The following CCDC85A variants were observed in gnomAD, a reference collection of about 807,000 sequenced individuals.
The protein encoded by CCDC85A is coiled-coil domain-containing protein 85A.
CCDC85A carries 38 observed loss-of-function variants against 50.2 expected under a neutral mutation model. The ratio of observed to expected loss-of-function variants is 0.76; its 90% confidence interval spans 0.58 to 0.99. CCDC85A has a LOEUF of 0.99. CCDC85A is among the 50% of genes least tolerant of loss of function. CCDC85A has a pLI of 0.00. For synonymous variants in CCDC85A, 366 were observed against 301.4 expected (o/e 1.21, Z -2.22); for missense variants, 820 against 742.0 (o/e 1.11, Z -1.22).
At chr2:56,257,860 CA>C (rs1249615109) in intron 2 of CCDC85A, among the ~76,000 whole-genome samples, 3 of 152,102 alleles carry the variant, frequency 2.0e-5, no homozygotes, top group Non-Finnish European at 4.4e-5. Context: ...TTGTAGATGC[CA>C]AATCTTTGAA....
At chr2:56,277,949 G>C (rs1341676352) in intron 2 of CCDC85A, among the ~76,000 whole-genome samples, 1 of 152,192 alleles carries the variant, frequency 6.6e-6, no homozygotes, top group Non-Finnish European at 1.5e-5. Context: ...GAAAGCAACA[G>C]AGGCCACAGG....
At chr2:56,355,062 T>C (rs1441274413) in intron 3 of CCDC85A, among the ~76,000 whole-genome samples, 1 of 152,134 alleles carries the variant, frequency 6.6e-6, no homozygotes, top group East Asian at 1.9e-4. Context: ...TCACCTACTG[T>C]CTTAAGTCTA....
chr2:56,276,820 G>A (rs1046502547), intron 2 of CCDC85A, among the ~76,000 whole-genome samples: 22 of 152,250 alleles, frequency 1.4e-4, no homozygotes, highest in African/African-American at 5.1e-4. Flanking sequence ...GGGGTTTATT[G>A]TATTTTAACT....
intron 2 of CCDC85A, among the ~76,000 whole-genome samples, chr2:56,215,377 T>C (rs193083119): frequency 6.6e-6 from 1 of 152,026 alleles, no homozygotes; most frequent in Admixed American, 6.6e-5. Context: ...TTTCATACTA[T>C]TTATTTGCTT....
chr2:56,214,870 A>G (rs1217263122), intron 2 of CCDC85A, among the ~76,000 whole-genome samples: 2 of 151,836 alleles, frequency 1.3e-5, no homozygotes, highest in Admixed American at 1.3e-4. Flanking sequence ...TCATCTTCCT[A>G]CTTAAACTTT....
chr2:56,280,028 A>T (rs774880391), intron 2 of CCDC85A, among the ~76,000 whole-genome samples: 10 of 152,226 alleles, frequency 6.6e-5, no homozygotes, highest in Non-Finnish European at 1.3e-4. Flanking sequence ...TTCAAAAGGA[A>T]TATGGCATTT....
At chr2:56,238,684 T>C (rs115501717) in intron 2 of CCDC85A, among the ~76,000 whole-genome samples, 1 of 152,278 alleles carries the variant, frequency 6.6e-6, no homozygotes, top group Non-Finnish European at 1.5e-5. Flanking sequence ...TTTGTTCCCA[T>C]GGTCACTGAG....
chr2:56,325,977 A>G (rs1023684234), intron 2 of CCDC85A, among the ~76,000 whole-genome samples: 4 of 152,160 alleles, frequency 2.6e-5, no homozygotes, highest in Non-Finnish European at 5.9e-5. Flanking sequence ...CCTTCAACAA[A>G]TGCATCAACT....
chr2:56,252,641 C>T (rs183828517), intron 2 of CCDC85A, among the ~76,000 whole-genome samples: 4 of 152,142 alleles, frequency 2.6e-5, no homozygotes, highest in African/African-American at 7.2e-5. Context: ...TTGCTGCACC[C>T]ATCAACCCGT....
chr2:56,244,962 A>G (rs555375949), intron 2 of CCDC85A, among the ~76,000 whole-genome samples: 2 of 151,512 alleles, frequency 1.3e-5, no homozygotes, highest in South Asian at 4.2e-4. Context: ...AGTCCTGTTT[A>G]CTCTTCCTTC....
intron 2 of CCDC85A, among the ~76,000 whole-genome samples, chr2:56,326,809 A>G (rs1223039920): frequency 2.0e-5 from 3 of 151,942 alleles, no homozygotes; most frequent in Admixed American, 2.0e-4. Context: ...ATCAAGTAAT[A>G]TTCCTTTACA....
intron 2 of CCDC85A, among the ~76,000 whole-genome samples, chr2:56,267,338 C>T (rs185257559): frequency 6.6e-6 from 1 of 152,006 alleles, no homozygotes; most frequent in East Asian, 1.9e-4. Flanking sequence ...CCTTTTTTTT[C>T]CCAACACGAC....
chr2:56,357,356 A>G lies in CCDC85A; in HGVS notation c.1317+14401A>G, dbSNP rs191055353. ...ATCAGTCATGAGAGTGTGATAAGAC[A>G]TCTTTCAATTCTAGATAGAAGTATT... On this transcript the variant is annotated intron_variant, in intron 3 of 5. Coordinates refer to ENST00000407595, the MANE Select transcript of CCDC85A (RefSeq NM_001080433.2). Among the ~76,000 whole-genome samples the G allele has an allele frequency of 1.1e-4, 16 of 152,322 alleles. No individual in the cohort carries two copies. The East Asian group carries it at 3.1e-3, about 29-fold the overall frequency.
intron 2 of CCDC85A, among the ~76,000 whole-genome samples, chr2:56,204,042 C>G (rs995331425): frequency 6.6e-6 from 1 of 152,084 alleles, no homozygotes; most frequent in East Asian, 1.9e-4. Context: ...ATCCATCAAG[C>G]AAGGGGCTTA....
intron 2 of CCDC85A, among the ~76,000 whole-genome samples, chr2:56,199,715 T>G (rs1486720268): frequency 6.6e-6 from 1 of 152,240 alleles, no homozygotes; most frequent in Non-Finnish European, 1.5e-5. Context: ...TCCCAATGGC[T>G]GGTCATAGCT....
intron 4 of CCDC85A, among the ~76,000 whole-genome samples, chr2:56,373,797 A>G (rs1321680200): frequency 6.6e-6 from 1 of 152,200 alleles, no homozygotes; most frequent in African/African-American, 2.4e-5. Context: ...AAATCTTTTG[A>G]AAAGCATTCA....
chr2:56,328,570 C>T (rs1673594010), intron 2 of CCDC85A, among the ~76,000 whole-genome samples: 2 of 152,198 alleles, frequency 1.3e-5, no homozygotes, highest in African/African-American at 4.8e-5. Flanking sequence ...GCTTATTCTG[C>T]ATCTTCCCTT....
At chr2:56,308,759 A>G (rs9808577) in intron 2 of CCDC85A, among the ~76,000 whole-genome samples, 7,444 of 152,274 alleles carry the variant, frequency 0.049, 615 homozygotes, top group African/African-American at 0.17. Flanking sequence ...TTGTTTGGCA[A>G]ATCTGCTGCA....
At chr2:56,348,232 A>C (rs953495965) in intron 3 of CCDC85A, among the ~76,000 whole-genome samples, 45 of 152,274 alleles carry the variant, frequency 3.0e-4, no homozygotes, top group African/African-American at 1.0e-3. Context: ...CTTGGAAAGC[A>C]GTATATATTC....
Sources: gnomAD v4.1 joint callset for allele counts (sites outside exome capture counted in the v4.1 genomes callset) on GRCh38, gnomAD v4.1.1 for gene constraint, MANE v1.5 for transcripts, NCBI Gene and HGNC (gene_info 2026-07-23, HGNC 2026-07-21) for gene names.